NAALADL2: variants seen among roughly 807,000 people sequenced by gnomAD.
NAALADL2 encodes the protein inactive N-acetylated-alpha-linked acidic dipeptidase-like protein 2.
In NAALADL2, 76 loss-of-function variants were observed where a neutral mutation model predicts 87.2. The ratio of observed to expected loss-of-function variants is 0.87; its 90% CI spans 0.72 to 1.05. The LOEUF is 1.05. Among genes scored for constraint, NAALADL2 ranks in the 50% least tolerant of loss-of-function variants. The probability of loss-of-function intolerance (pLI) is 0.00; values close to 1 mark genes in which losing one functional copy is unlikely to be tolerated. For missense variants in NAALADL2, 1,089 were observed against 945.8 expected (o/e 1.15, Z -1.99); for synonymous variants, 354 against 331.0 (o/e 1.07, Z -0.75).
At chr3:175,354,394 A>G in intron 5 of NAALADL2, among the ~76,000 whole-genome samples, 1 of 152,200 alleles carries the variant, frequency 6.6e-6, no homozygotes, top group East Asian at 1.9e-4. Flanking sequence ...AACTGATAGC[A>G]TGAAGATAAT....
At chr3:175,795,891 T>G (rs886735501) in intron 13 of NAALADL2, among the ~76,000 whole-genome samples, 1 of 151,918 alleles carries the variant, frequency 6.6e-6, no homozygotes, top group Non-Finnish European at 1.5e-5. Flanking sequence ...TGGTTGTGGC[T>G]GGGCTGGGTC....
chr3:175,161,045 A>T (rs73041399), intron 2 of NAALADL2, among the ~76,000 whole-genome samples: 17,173 of 152,174 alleles, frequency 0.11, 1,106 homozygotes, highest in African/African-American at 0.16. Context: ...TTTACAAAAA[A>T]GTACATATGG....
chr3:175,691,275 A>G (rs1737008758), intron 11 of NAALADL2, among the ~76,000 whole-genome samples: 1 of 151,026 alleles, frequency 6.6e-6, no homozygotes, highest in African/African-American at 2.4e-5. Context: ...ATATATACAC[A>G]CAGATGGATA....
intron 4 of NAALADL2, among the ~76,000 whole-genome samples, chr3:175,279,220 C>T (rs1030240814): frequency 6.6e-6 from 1 of 152,092 alleles, no homozygotes; most frequent in Admixed American, 6.6e-5. Flanking sequence ...ATATGGGACC[C>T]TAGGGCAAGT....
intron 5 of NAALADL2, among the ~76,000 whole-genome samples, chr3:175,379,066 A>T (rs1767483884): frequency 2.0e-5 from 3 of 152,160 alleles, no homozygotes; most frequent in Non-Finnish European, 2.9e-5. Flanking sequence ...GTACAAAAGT[A>T]AGCTCCATGA....
chr3:174,717,954 C>T (rs1056409952), intron 2 of NAALADL2, among the ~76,000 whole-genome samples: 1 of 151,948 alleles, frequency 6.6e-6, no homozygotes, highest in Non-Finnish European at 1.5e-5. Flanking sequence ...GGTGAAACCC[C>T]CACCTCTCCT....
chr3:175,638,611 G>C (rs1240377655), intron 11 of NAALADL2, among the ~76,000 whole-genome samples: 2 of 152,160 alleles, frequency 1.3e-5, no homozygotes. Flanking sequence ...GATTGCACAG[G>C]TATAGCTTCT....
intron 3 of NAALADL2, among the ~76,000 whole-genome samples, chr3:174,822,318 T>C (rs1026473816): frequency 3.3e-5 from 5 of 152,206 alleles, no homozygotes; most frequent in Admixed American, 6.5e-5. Flanking sequence ...TTCTCAGATA[T>C]TTTTATGATG....
At chr3:174,513,856 T>C (rs1392499510) in intron 1 of NAALADL2, among the ~76,000 whole-genome samples, 2 of 152,202 alleles carry the variant, frequency 1.3e-5, no homozygotes, top group Admixed American at 1.3e-4. Flanking sequence ...AAAGTCCTTT[T>C]GTTACTCTAA....
chr3:174,944,358 G>A (rs78697592), intron 1 of NAALADL2, among the ~76,000 whole-genome samples: 1,563 of 152,228 alleles, frequency 0.01, 17 homozygotes, highest in Middle Eastern at 0.034. Flanking sequence ...TCTGCCCCTG[G>A]TCAGCTTGAA....
intron 11 of NAALADL2, chr3:175,718,681 T>C: frequency 6.5e-7 from 1 of 1,544,478 alleles, no homozygotes; most frequent in East Asian, 2.2e-5. Flanking sequence ...TGCGTTTTCT[T>C]GTATTTTTAT....
intron 13 of NAALADL2, chr3:175,773,340 G>A (rs1749760505): frequency 6.6e-6 from 1 of 152,026 alleles, no homozygotes; most frequent in South Asian, 2.1e-4. Flanking sequence ...TTAGTTTTCT[G>A]TTATTTCTTT....
intron 1 of NAALADL2, among the ~76,000 whole-genome samples, chr3:174,996,762 T>C (rs1024884561): frequency 6.6e-6 from 1 of 152,028 alleles, no homozygotes; most frequent in African/African-American, 2.4e-5. Flanking sequence ...CTGTACCCAA[T>C]ATGTAGTCTT....
chr3:174,518,951 T>A (rs1175882350), intron 1 of NAALADL2, among the ~76,000 whole-genome samples: 1 of 152,180 alleles, frequency 6.6e-6, no homozygotes, highest in African/African-American at 2.4e-5. Flanking sequence ...ATGATTTGAA[T>A]TATTCAGAGT....
chr3:174,874,465 G>A (rs1728226464), intron 1 of NAALADL2, among the ~76,000 whole-genome samples: 1 of 152,140 alleles, frequency 6.6e-6, no homozygotes, highest in African/African-American at 2.4e-5. Context: ...GCACCTCAAA[G>A]TGATTAAGAA....
chr3:175,252,582 G>A (rs934394686), intron 3 of NAALADL2, among the ~76,000 whole-genome samples: 1 of 152,230 alleles, frequency 6.6e-6, no homozygotes, highest in South Asian at 2.1e-4. Context: ...GCCTCTAAGT[G>A]AAAGGAAGAG....
intron 1 of NAALADL2, among the ~76,000 whole-genome samples, chr3:174,998,379 T>A (rs1376453520): frequency 1.3e-5 from 2 of 152,204 alleles, no homozygotes; most frequent in African/African-American, 4.8e-5. Flanking sequence ...TTATTTTAGA[T>A]TTTATTTGCC....
chr3:175,372,999 G>A (rs1560451958), intron 5 of NAALADL2, among the ~76,000 whole-genome samples: 1 of 152,168 alleles, frequency 6.6e-6, no homozygotes, highest in Non-Finnish European at 1.5e-5. Context: ...CTCCTGATCT[G>A]TACTTAGTGT....
In NAALADL2 at chr3:174,609,162, G is replaced by T. The variant is rs528810905; in HGVS notation, c.-115+58525G>T. Among the ~76,000 whole-genome samples, 14 of 152,222 alleles carry T rather than the reference G, an allele frequency of 9.2e-5. No individual in the cohort carries two copies. In the South Asian group the frequency reaches 2.3e-3, roughly 25 times the overall value. On this transcript the variant is annotated intron_variant, in intron 2 of 3. Transcript: ENST00000434257. ...TAAATTAGGTATTGATGGGATGTAT[G>T]TCAAAATAATAAGAGCTATCTATGA... is the stretch of plus-strand genomic sequence containing the variant.
Sources: gnomAD v4.1 joint callset for allele counts (sites outside exome capture counted in the v4.1 genomes callset) on GRCh38, gnomAD v4.1.1 for gene constraint, MANE v1.5 for transcripts, NCBI Gene and HGNC (gene_info 2026-07-23, HGNC 2026-07-21) for gene names.